The following AUTS2 variants were observed in gnomAD, a reference collection of about 807,000 sequenced individuals.
The protein encoded by AUTS2 is autism susceptibility gene 2 protein.
Under a neutral mutation model 112.4 loss-of-function variants are expected in AUTS2, and 17 were observed. The observed-to-expected ratio is 0.15, with a 90% CI of 0.10 to 0.23. The LOEUF (loss-of-function observed/expected upper bound fraction) is 0.23. Among genes scored for constraint, AUTS2 ranks in the 10% least tolerant of loss-of-function variants. The pLI is 1.00. For synonymous variants in AUTS2, 751 were observed against 702.7 expected (o/e 1.07, Z -1.09); for missense variants, 1,510 against 1,701.6 (o/e 0.89, Z 1.98).
At chr7:69,941,926 A>T (rs1436755781) in intron 2 of AUTS2, among the ~76,000 whole-genome samples, 2 of 152,064 alleles carry the variant, frequency 1.3e-5, no homozygotes, top group Non-Finnish European at 2.9e-5. Context: ...ATTGTTGAAG[A>T]TTTATTGTAC....
intron 5 of AUTS2, among the ~76,000 whole-genome samples, chr7:70,546,113 T>C (rs1412268589): frequency 1.3e-5 from 2 of 152,260 alleles, no homozygotes; most frequent in Admixed American, 1.3e-4. Context: ...AAATTAAAAT[T>C]TACATATAGA....
At chr7:69,967,337 T>A (rs1466177203) in intron 2 of AUTS2, among the ~76,000 whole-genome samples, 3 of 152,198 alleles carry the variant, frequency 2.0e-5, no homozygotes, top group African/African-American at 4.8e-5. Flanking sequence ...ATAGCCTGCC[T>A]CCTGCCTTTA....
chr7:70,313,237 C>A (rs141894918), intron 4 of AUTS2, among the ~76,000 whole-genome samples: 1 of 152,272 alleles, frequency 6.6e-6, no homozygotes, highest in Non-Finnish European at 1.5e-5. Context: ...CTGCAGTTCC[C>A]CATTTATAAC....
chr7:70,675,975 G>A (rs992139485), intron 5 of AUTS2, among the ~76,000 whole-genome samples: 1 of 152,198 alleles, frequency 6.6e-6, no homozygotes, highest in Non-Finnish European at 1.5e-5. Flanking sequence ...CAGTGTCAAA[G>A]GATGTGCAGC....
chr7:70,695,328 C>G (rs1468599012), intron 5 of AUTS2, among the ~76,000 whole-genome samples: 2 of 152,220 alleles, frequency 1.3e-5, no homozygotes, highest in African/African-American at 4.8e-5. Context: ...CGTTCGCCGC[C>G]AAGCTCCGAT....
intron 1 of AUTS2, among the ~76,000 whole-genome samples, chr7:69,612,576 C>T (rs993513228): frequency 1.3e-5 from 2 of 152,074 alleles, no homozygotes; most frequent in African/African-American, 2.4e-5. Flanking sequence ...CTTCTCACCT[C>T]AGCCTCCTGA....
At chr7:69,613,176 C>G (rs1004497079) in intron 1 of AUTS2, among the ~76,000 whole-genome samples, 2 of 152,180 alleles carry the variant, frequency 1.3e-5, no homozygotes, top group African/African-American at 4.8e-5. Context: ...GGCTCCTTAT[C>G]CCTTTACTCA....
chr7:70,065,778 C>T (rs1041834774), intron 2 of AUTS2, among the ~76,000 whole-genome samples: 1 of 152,116 alleles, frequency 6.6e-6, no homozygotes, highest in Non-Finnish European at 1.5e-5. Flanking sequence ...CAATTATAGC[C>T]TACAGCAGCC....
chr7:70,016,849 G>T (rs548763395), intron 2 of AUTS2, among the ~76,000 whole-genome samples: 2 of 152,082 alleles, frequency 1.3e-5, no homozygotes, highest in South Asian at 4.2e-4. Context: ...TGTATTTTTA[G>T]TAGAGACAGG....
intron 2 of AUTS2, 36 bp from the exon 3 acceptor site, chr7:70,118,096 A>T: frequency 6.4e-7 from 1 of 1,570,560 alleles, no homozygotes; most frequent in Admixed American, 2.1e-5. Flanking sequence ...GCAGACCACT[A>T]ACTTTTTCCT....
intron 2 of AUTS2, among the ~76,000 whole-genome samples, chr7:70,064,368 G>C (rs1802393081): frequency 6.6e-6 from 1 of 152,144 alleles, no homozygotes; most frequent in South Asian, 2.1e-4. Context: ...TTTTATAACG[G>C]GGTCAGCTCC....
chr7:69,768,967 G>A (rs1788545953), intron 1 of AUTS2, among the ~76,000 whole-genome samples: 1 of 152,186 alleles, frequency 6.6e-6, no homozygotes. Flanking sequence ...ATGGCAGAGT[G>A]TGGACACACT....
At chr7:69,755,274 G>A (rs1787902388) in intron 1 of AUTS2, among the ~76,000 whole-genome samples, 2 of 152,204 alleles carry the variant, frequency 1.3e-5, no homozygotes, top group African/African-American at 4.8e-5. Context: ...CAAGGCAAGT[G>A]CCTGAGGCTG....
chr7:69,942,995 G>A (rs1028701121), intron 2 of AUTS2, among the ~76,000 whole-genome samples: 13 of 152,188 alleles, frequency 8.5e-5, no homozygotes, highest in African/African-American at 3.1e-4. Context: ...GACCATATGT[G>A]TGTTCTTTCC....
At chr7:70,095,136 T>G (rs1804122664) in intron 2 of AUTS2, among the ~76,000 whole-genome samples, 1 of 152,264 alleles carries the variant, frequency 6.6e-6, no homozygotes, top group African/African-American at 2.4e-5. Flanking sequence ...GGATCTCATT[T>G]ACTTACGTGG....
At chr7:70,373,430 G>T (rs975279590) in intron 4 of AUTS2, among the ~76,000 whole-genome samples, 1 of 152,102 alleles carries the variant, frequency 6.6e-6, no homozygotes, top group South Asian at 2.1e-4. Context: ...ACAAGGGTAG[G>T]TTTCTTTATT....
chr7:70,241,652 A>G (rs1216775757), intron 4 of AUTS2, among the ~76,000 whole-genome samples: 1 of 152,196 alleles, frequency 6.6e-6, no homozygotes, highest in Non-Finnish European at 1.5e-5. Flanking sequence ...TAAGTCCCAA[A>G]GGTAATCAAA....
chr7:70,123,245 A>T (rs1231822199), intron 3 of AUTS2, among the ~76,000 whole-genome samples: 1 of 152,212 alleles, frequency 6.6e-6, no homozygotes, highest in Admixed American at 6.5e-5. Context: ...ACCTACCTGC[A>T]CAATATTTTA....
At chr7:70,589,024 A>G (rs899274411) in intron 5 of AUTS2, among the ~76,000 whole-genome samples, 4 of 152,238 alleles carry the variant, frequency 2.6e-5, no homozygotes, top group African/African-American at 9.6e-5. Flanking sequence ...TGAAGCATGT[A>G]CTTTGAAACA....
Sources: gnomAD v4.1 joint callset for allele counts (sites outside exome capture counted in the v4.1 genomes callset) on GRCh38, gnomAD v4.1.1 for gene constraint, MANE v1.5 for transcripts, NCBI Gene and HGNC (gene_info 2026-07-23, HGNC 2026-07-21) for gene names.